Variants in STAT4 observed in about 807,000 individuals in gnomAD.
STAT4 encodes signal transducer and activator of transcription 4.
STAT4 carries 42 observed loss-of-function variants against 110.5 expected under a neutral mutation model. The observed-to-expected ratio is 0.38, with a 90% CI of 0.30 to 0.49. The LOEUF (loss-of-function observed/expected upper bound fraction) is 0.49, where lower values mean the gene tolerates loss of function less well. STAT4 is among the 20% of genes least tolerant of loss of function. The pLI is 0.95. For missense variants in STAT4, 632 were observed against 887.9 expected (o/e 0.71, Z 3.66); for synonymous variants, 284 against 302.2 (o/e 0.94, Z 0.63).
rs1224941176 is a variant in STAT4, at chr2:191,117,854, T to A, written c.273+28759A>T. ...TGACCTATTCAGTGAGAATTGGAAA[T>A]GGGGGCTGGAAATCTACACTTTTAA... On this transcript the variant is annotated intron_variant, in intron 3 of 23. Transcript: ENST00000392320. This position sits in a 1 kb window ranked among gnomAD's most constrained non-coding sequence, Gnocchi z 5.2. Among the ~76,000 whole-genome samples the A allele has an allele frequency of 1.3e-5, 2 of 151,378 alleles. No homozygotes were observed. The highest frequency in any genetic ancestry group is 4.9e-5 in the African/African-American group (2 of 41,086).
Position 191,049,971 on chromosome 2 carries a change from G to A in STAT4, c.1251+4519C>T, listed in dbSNP as rs114132296. On this transcript the variant is annotated intron_variant, in intron 14 of 23. Transcript: ENST00000392320. ...GGGCTAGCTGGGGTGTGAGTAGCGC[G>A]TCTGTGTTTGAGAACACTGAACCTT... Among the ~76,000 whole-genome samples, 1,002 of 152,298 alleles carry A rather than the reference G, an allele frequency of 6.6e-3. 10 individuals are homozygous for A. Among genetic ancestry groups the A allele is most frequent in the Admixed American group, 0.013 (196 of 15,300 alleles).
chr2:191,131,280 G>A (rs1551440), intron 3 of STAT4, among the ~76,000 whole-genome samples: 96,751 of 151,584 alleles, frequency 0.64, 31,660 homozygotes, highest in South Asian at 0.78. Flanking sequence ...TCACAGTAAC[G>A]TTGTTTGCAA....
chr2:191,030,690 G>A lies in STAT4; in HGVS notation c.2220+282C>T, dbSNP rs887294290. On this transcript the variant is annotated intron_variant, in intron 23 of 23. Coordinates refer to ENST00000392320, the MANE Select transcript of STAT4 (RefSeq NM_003151.4). This position sits in a 1 kb window ranked among gnomAD's most constrained non-coding sequence, Gnocchi z 4.4. ...TGAGGGGGCCCATGGTGCAAGCAGC[G>A]ATAGTGTGCTTGAGTAGGGTATAGG... 42 of 297,608 alleles carry A rather than the reference G, an allele frequency of 1.4e-4. No homozygotes were observed. Among genetic ancestry groups the A allele is most frequent in the African/African-American group, 8.0e-4 (37 of 46,264 alleles). 18.4% of individuals were successfully genotyped at this position (297,608 alleles called of 1,614,324 possible). A position where few individuals can be genotyped will look rare whatever the true frequency, so the allele number is the denominator to read the frequency against.
At chr2:191,100,511 C>G (rs549071531) in intron 3 of STAT4, among the ~76,000 whole-genome samples, 7 of 152,084 alleles carry the variant, frequency 4.6e-5, no homozygotes, top group Non-Finnish European at 7.4e-5. Context: ...ATGACCTTTT[C>G]TTTCAGGGCC....
intron 6 of STAT4, 46 bp downstream of exon 6, chr2:191,069,647 T>C: frequency 2.8e-6 from 4 of 1,420,848 alleles, no homozygotes; most frequent in Non-Finnish European, 3.9e-6. Flanking sequence ...CTACTCAAGA[T>C]GCCTTTTTGT....
At chr2:191,100,191 G>A (rs1353242129) in intron 3 of STAT4, among the ~76,000 whole-genome samples, 1 of 152,054 alleles carries the variant, frequency 6.6e-6, no homozygotes, top group Non-Finnish European at 1.5e-5. Flanking sequence ...TGACATTTAC[G>A]AAGCAACTCT....
At chr2:191,056,245 T>G (rs1371600151) in intron 13 of STAT4, among the ~76,000 whole-genome samples, 1 of 152,226 alleles carries the variant, frequency 6.6e-6, no homozygotes, top group Non-Finnish European at 1.5e-5. Flanking sequence ...TAAATGTTAA[T>G]AAGCAGAAGG....
rs1698440845 is a variant in STAT4 at position 191,112,092 on chromosome 2, CA to C, written c.273+34520del. 6.6e-6 allele frequency among the ~76,000 whole-genome samples: 1 copy of C among 151,954 alleles called. No homozygotes were observed. Among genetic ancestry groups the C allele is most frequent in the South Asian group, 2.1e-4 (1 of 4,816 alleles). Reference sequence around the variant, plus strand: ...TGGTTTCATGGGTATACACTTATGTCAAAACTTGTCAGATTGTACACTTTAA... The same window carrying C: ...TGGTTTCATGGGTATACACTTATGTCAAACTTGTCAGATTGTACACTTTAA... On this transcript the variant is annotated intron_variant, in intron 3 of 23. Transcript: ENST00000392320. This position sits in a 1 kb window ranked among gnomAD's most constrained non-coding sequence, Gnocchi z 4.3.
intron 3 of STAT4, among the ~76,000 whole-genome samples, chr2:191,115,133 A>G (rs1046022817): frequency 6.6e-6 from 1 of 152,182 alleles, no homozygotes. Context: ...GCTATATGCC[A>G]CACACTGTGC....
intron 18 of STAT4, 99 bp from the exon 19 acceptor site, chr2:191,034,104 A>G (rs1450504434): frequency 9.8e-6 from 8 of 817,030 alleles, no homozygotes; most frequent in Non-Finnish European, 1.6e-5. Flanking sequence ...TTATCTTTAA[A>G]CTGGACAACA....
At chr2:191,139,834 T>C (rs895053788) in intron 3 of STAT4, among the ~76,000 whole-genome samples, 17 of 152,132 alleles carry the variant, frequency 1.1e-4, no homozygotes, top group Admixed American at 9.8e-4. Context: ...GGAGACATCA[T>C]ATTACCCAAC....
intron 6 of STAT4, among the ~76,000 whole-genome samples, chr2:191,069,207 G>T (rs1232430982): frequency 6.6e-6 from 1 of 151,898 alleles, no homozygotes; most frequent in Middle Eastern, 3.2e-3. Context: ...GATTTCACGA[G>T]ATTTTTATTT....
chr2:191,099,868 G>T lies in STAT4; in HGVS notation c.274-23543C>A, dbSNP rs779531042. Among the ~76,000 whole-genome samples the T allele has an allele frequency of 2.6e-5, 4 of 152,118 alleles. No individual in the cohort carries two copies. The highest frequency in any genetic ancestry group is 2.6e-4 in the Admixed American group (4 of 15,262). The stretch of plus-strand genomic sequence containing the variant: ...ACTTTATGGAAAATTACATGAGTGT[G>T]TATGCAGTAAAAGTATGAAAAGTTG... On this transcript the variant is annotated intron_variant, in intron 3 of 23. Transcript: ENST00000392320. This position sits in a 1 kb window ranked among gnomAD's most constrained non-coding sequence, Gnocchi z 4.1.
intron 8 of STAT4, among the ~76,000 whole-genome samples, chr2:191,064,324 A>C (rs953090051): frequency 6.6e-6 from 1 of 152,214 alleles, no homozygotes; most frequent in African/African-American, 2.4e-5. Flanking sequence ...TATACAATAA[A>C]TTGTTATTAA....
rs181443591 is a variant in STAT4 at position 191,053,869 on chromosome 2, C to T, written c.1251+621G>A. 1.6e-4 allele frequency among the ~76,000 whole-genome samples: 25 copies of T among 152,232 alleles called. No individual in the cohort carries two copies. The highest frequency in any genetic ancestry group is 4.8e-4 in the African/African-American group (20 of 41,536). On this transcript the variant is annotated intron_variant, in intron 14 of 23. Coordinates refer to ENST00000392320, the MANE Select transcript of STAT4 (RefSeq NM_003151.4). The surrounding 1 kb of genome is among the most constrained non-coding windows in gnomAD (Gnocchi z 4.5). ...CCGGGCTGGGCACGGTGGCTCACGC[C>T]TATAATCCCAGCATTTTGGGAGACA... is the stretch of plus-strand genomic sequence containing the variant.
At chr2:191,122,136 T>C (rs899489478) in intron 3 of STAT4, 1 of 152,042 alleles carries the variant, frequency 6.6e-6, no homozygotes, top group African/African-American at 2.4e-5. Flanking sequence ...TCACATTGCA[T>C]GCCTGTATCA....
At position 191,118,677 on chromosome 2, in the gene STAT4, T is replaced by C. The variant is rs180799160; in HGVS notation, c.273+27936A>G. On this transcript the variant is annotated intron_variant, in intron 3 of 23. Transcript: ENST00000392320. ...ATGAATAATAATACAATGATCTTTC[T>C]TGAATGTATCCTTTATCTATGTGAG... Among the ~76,000 whole-genome samples, 11 of 152,368 alleles carry C rather than the reference T, an allele frequency of 7.2e-5. No homozygotes were observed. The East Asian group carries it at 1.3e-3, about 19-fold the overall frequency.
chr2:191,081,218 A>C (rs2459614), intron 3 of STAT4, among the ~76,000 whole-genome samples: 2,828 of 152,190 alleles, frequency 0.019, 90 homozygotes, highest in African/African-American at 0.065. Flanking sequence ...ATATGTGCCA[A>C]ATTTTCTTTA....
Position 191,033,985 on chromosome 2 carries a change from T to G in STAT4, c.1641A>C (p.Ser547=). The G allele has an allele frequency of 6.2e-7, 1 of 1,610,028 alleles. No individual in the cohort carries two copies. Among genetic ancestry groups the G allele is most frequent in the Non-Finnish European group, 8.5e-7 (1 of 1,178,270 alleles). The change falls in exon 19 of 24, where the codon TCA becomes TCC. Residue 547 remains serine (S), a synonymous_variant. Transcript: ENST00000392320. This position sits in a 1 kb window ranked among gnomAD's most constrained non-coding sequence, Gnocchi z 6.9. The part of the protein sequence containing the change: ...KFCKEHLPGK[S]FTFWTWLEAI... ...CTTCAAGCCATGTCCAAAAGGTAAA[T>G]GATTTACCAGGTAAATGTTCCTACA...
Sources: gnomAD v4.1 joint callset for allele counts (sites outside exome capture counted in the v4.1 genomes callset) on GRCh38, gnomAD v4.1.1 for gene constraint, Gnocchi (gnomAD v3.1) non-coding constraint, MANE v1.5 for transcripts, NCBI Gene and HGNC (gene_info 2026-07-23, HGNC 2026-07-21) for gene names.